MLPH: variants seen among roughly 807,000 people sequenced by gnomAD.
MLPH encodes the protein exophilin-3.
A neutral mutation model predicts 72.1 loss-of-function variants in MLPH; 51 were observed. That is an observed-to-expected ratio of 0.71 (90% confidence interval 0.56 to 0.89). The LOEUF (loss-of-function observed/expected upper bound fraction) is 0.89, where lower values mean the gene tolerates loss of function less well. Among genes scored for constraint, MLPH ranks in the 40% least tolerant of loss-of-function variants. MLPH has a pLI of 0.00. For missense variants in MLPH, 743 were observed against 759.9 expected (o/e 0.98, Z 0.26); for synonymous variants, 301 against 310.1 (o/e 0.97, Z 0.31).
rs572610131 is a variant in MLPH at position 237,542,666 on chromosome 2, G to T, written c.1539+7G>T. ...GAGGAAGTCAAACCTCCCGGTGAGT[G>T]GGGGGCAGTGGTGAGTGGAGACAGT... On this transcript the variant is annotated splice_region_variant and intron_variant, in intron 12 of 15. Coordinates refer to ENST00000264605, the MANE Select transcript of MLPH (RefSeq NM_024101.7). The T allele has an allele frequency of 1.7e-4, 263 of 1,556,972 alleles. No homozygotes were observed. The highest frequency in any genetic ancestry group is 5.8e-4 in the Middle Eastern group (3 of 5,148).
At position 237,515,724 on chromosome 2, in the gene MLPH, G is replaced by A. The variant is rs145898792; in HGVS notation, c.446-2815G>A. Among the ~76,000 whole-genome samples the A allele has an allele frequency of 3.3e-3, 508 of 152,296 alleles. 7 individuals carry two copies. The highest frequency in any genetic ancestry group is 0.012 in the African/African-American group (486 of 41,564). The stretch of plus-strand genomic sequence containing the variant: ...ATTAATAGAAACAGGCAGCTCCAAG[G>A]AGGCCACCCAGGGGTGGGACCCAGC... On this transcript the variant is annotated intron_variant, in intron 4 of 15. Coordinates refer to ENST00000264605, the MANE Select transcript of MLPH (RefSeq NM_024101.7).
chr2:237,525,577 A>T, intron 6 of MLPH, 24 bp from the exon 7 acceptor site: 3 of 1,612,850 alleles, frequency 1.9e-6, no homozygotes, highest in Non-Finnish European at 1.7e-6. Flanking sequence ...CCTGCAGAGG[A>T]GGCTGACAGC....
rs1227509655 is a variant in MLPH, at chr2:237,554,607, C to G, written c.*1015C>G. 3 of 152,304 alleles carry G rather than the reference C, an allele frequency of 2.0e-5. No individual in the cohort carries two copies. The highest frequency in any genetic ancestry group is 2.0e-4 in the Admixed American group (3 of 15,280). The allele number at this position is 152,304 out of a possible 1,614,324, so 9.4% of individuals were successfully genotyped here. On this transcript the variant is annotated 3_prime_UTR_variant, in exon 16 of 16. Transcript: ENST00000264605. ...ATCCTAACAGTAATCACATCTCACC[C>G]TCCCTGAGGTTCACTTTAGACAGGA...
rs1292680645 is a variant in MLPH, at chr2:237,487,293, T to C, written c.-169T>C. The C allele has an allele frequency of 6.6e-6, 1 of 152,330 alleles. No individual in the cohort carries two copies. Among genetic ancestry groups the C allele is most frequent in the Non-Finnish European group, 1.5e-5 (1 of 68,138 alleles). The allele number at this position is 152,330 out of a possible 1,614,324, so 9.4% of individuals were successfully genotyped here. ...GGAGAGCCAGGCGCTAACCAGCCGC[T>C]CTGCGCCCCGCGCCCTGCTTGCCCC... is the stretch of plus-strand genomic sequence containing the variant. On this transcript the variant is annotated 5_prime_UTR_variant, in exon 1 of 16. Transcript: ENST00000264605.
At chr2:237,545,334 T>A in intron 12 of MLPH, 1 of 773,156 alleles carries the variant, frequency 1.3e-6, no homozygotes, top group South Asian at 1.7e-5. Flanking sequence ...GACAGCAGGA[T>A]CCTGGGCCCC....
In MLPH at chr2:237,512,840, T is replaced by C. The variant is rs1324403339; in HGVS notation, c.445+1739T>C. Among the ~76,000 whole-genome samples, 1 of 152,102 alleles carries C rather than the reference T, an allele frequency of 6.6e-6. No individual in the cohort carries two copies. The highest frequency in any genetic ancestry group is 1.5e-5 in the Non-Finnish European group (1 of 68,016). On this transcript the variant is annotated intron_variant, in intron 4 of 15. Transcript: ENST00000264605. The surrounding 1 kb of genome is among the most constrained non-coding windows in gnomAD (Gnocchi z 5.5). ...AGCTGTATTATTTCAAAGGACGCAG[T>C]GTTTCCACAGCTCAGCCCAGAGCTG...
chr2:237,522,828 A>G (rs2080219216), intron 6 of MLPH, among the ~76,000 whole-genome samples: 1 of 152,200 alleles, frequency 6.6e-6, no homozygotes, highest in Non-Finnish European at 1.5e-5. Context: ...GTGTTGGAGG[A>G]CAGGAGGAAC....
At chr2:237,508,714 C>T (rs1272848552) in intron 2 of MLPH, among the ~76,000 whole-genome samples, 8 of 152,152 alleles carry the variant, frequency 5.3e-5, no homozygotes, top group Non-Finnish European at 1.5e-5. Context: ...CCCATTTCCC[C>T]CTCCATTGTG....
At chr2:237,498,246 C>T (rs1045203338) in intron 2 of MLPH, among the ~76,000 whole-genome samples, 1 of 152,158 alleles carries the variant, frequency 6.6e-6, no homozygotes, top group Non-Finnish European at 1.5e-5. Context: ...AATTATCAAA[C>T]CAAAGAAAAT....
intron 4 of MLPH, among the ~76,000 whole-genome samples, chr2:237,516,951 A>G (rs113271883): frequency 0.26 from 28,328 of 110,860 alleles, 3,423 homozygotes; most frequent in African/African-American, 0.44. Context: ...ATAGGTGGAT[A>G]GGTGGATAGA....
Position 237,488,675 on chromosome 2 carries a change from C to A in MLPH, c.-25+1238C>A, listed in dbSNP as rs574090219. 5.3e-4 allele frequency among the ~76,000 whole-genome samples: 81 copies of A among 152,306 alleles called. No individual in the cohort carries two copies. In the South Asian group the frequency reaches 0.016, roughly 31 times the overall value. ...AGAGAACATGGGATGGTGCCCGGCA[C>A]ACACATGGGGAGTCAGTGGGTCTTA... is the stretch of plus-strand genomic sequence containing the variant. On this transcript the variant is annotated intron_variant, in intron 1 of 15. Coordinates refer to ENST00000264605, the MANE Select transcript of MLPH (RefSeq NM_024101.7).
At chr2:237,518,037 G>T (rs2080089125) in intron 4 of MLPH, 1 of 266,128 alleles carries the variant, frequency 3.8e-6, no homozygotes, top group Non-Finnish European at 7.4e-6. Context: ...GGGGTGGATG[G>T]GTGGGTGAGT....
At chr2:237,535,375 G>T (rs1283395597) in intron 9 of MLPH, among the ~76,000 whole-genome samples, 1 of 152,056 alleles carries the variant, frequency 6.6e-6, no homozygotes, top group African/African-American at 2.4e-5. Flanking sequence ...TTGCACTGGG[G>T]ATCGAGTTCC....
At chr2:237,549,304 C>T in intron 14 of MLPH, 26 bp downstream of exon 14, 1 of 1,607,512 alleles carries the variant, frequency 6.2e-7, no homozygotes, top group Non-Finnish European at 8.5e-7. Context: ...TCCCCCACCC[C>T]CATGGGCCTG....
intron 4 of MLPH, among the ~76,000 whole-genome samples, chr2:237,515,501 C>A (rs920650759): frequency 2.0e-5 from 3 of 152,172 alleles, no homozygotes; most frequent in Non-Finnish European, 4.4e-5. Flanking sequence ...AGGATAGGAT[C>A]CCCACGGGGA....
intron 4 of MLPH, among the ~76,000 whole-genome samples, chr2:237,516,590 G>A (rs2080022636): frequency 1.3e-5 from 2 of 152,246 alleles, no homozygotes; most frequent in Admixed American, 1.3e-4. Context: ...TGCAGACATG[G>A]TCAGACCTGT....
At chr2:237,490,409 G>T (rs2079407145) in intron 1 of MLPH, among the ~76,000 whole-genome samples, 1 of 152,188 alleles carries the variant, frequency 6.6e-6, no homozygotes, top group African/African-American at 2.4e-5. Context: ...TAGGACATTG[G>T]TTGTGATGCT....
In MLPH at chr2:237,510,387, G is replaced by A; in HGVS notation, c.111-187G>A. ...CACCAAAATTGCCCGTTTGAGCTCAGCCCTCAAAACAAAGATGCCTGTGTG... is the reference window on the plus strand; with the variant it reads ...CACCAAAATTGCCCGTTTGAGCTCAACCCTCAAAACAAAGATGCCTGTGTG... On this transcript the variant is annotated intron_variant, in intron 2 of 15. Coordinates refer to ENST00000264605, the MANE Select transcript of MLPH (RefSeq NM_024101.7). This position sits in a 1 kb window ranked among gnomAD's most constrained non-coding sequence, Gnocchi z 4.4. The A allele has an allele frequency of 1.5e-6, 1 of 675,442 alleles. No homozygotes were observed. The highest frequency in any genetic ancestry group is 2.7e-6 in the Non-Finnish European group (1 of 372,162). 41.8% of individuals were successfully genotyped at this position (675,442 alleles called of 1,614,324 possible).
chr2:237,519,134 G>A (rs1166335101), intron 5 of MLPH, among the ~76,000 whole-genome samples: 2 of 151,002 alleles, frequency 1.3e-5, no homozygotes, highest in African/African-American at 4.9e-5. Flanking sequence ...TTCACGTATT[G>A]TTTAACTTAT....
Sources: gnomAD v4.1 joint callset for allele counts (sites outside exome capture counted in the v4.1 genomes callset) on GRCh38, gnomAD v4.1.1 for gene constraint, Gnocchi (gnomAD v3.1) non-coding constraint, MANE v1.5 for transcripts, NCBI Gene and HGNC (gene_info 2026-07-23, HGNC 2026-07-21) for gene names.